The following CAPZA2 variants were observed in gnomAD, a reference collection of about 807,000 sequenced individuals.
CAPZA2 encodes F-actin-capping protein subunit alpha-2.
CAPZA2 carries 13 observed loss-of-function variants against 44.0 expected under a neutral mutation model. The ratio of observed to expected loss-of-function variants is 0.30; its 90% CI spans 0.19 to 0.47. The LOEUF is 0.47. Ranked by LOEUF, CAPZA2 falls within the 20% of genes least tolerant of loss-of-function variation. The pLI, the probability that CAPZA2 is intolerant of heterozygous loss-of-function variation, is 1.00. For synonymous variants in CAPZA2, 94 were observed against 108.2 expected (o/e 0.87, Z 0.81); for missense variants, 244 against 338.6 (o/e 0.72, Z 2.19).
chr7:116,880,459 G>A (rs192077597), intron 1 of CAPZA2, among the ~76,000 whole-genome samples: 18 of 152,046 alleles, frequency 1.2e-4, no homozygotes, highest in Non-Finnish European at 1.5e-4. Context: ...GTGCAATAGC[G>A]TGATCTCGGC....
intron 1 of CAPZA2, among the ~76,000 whole-genome samples, 164 bp downstream of exon 1, chr7:116,862,814 C>G (rs937155395): frequency 2.0e-5 from 3 of 152,154 alleles, no homozygotes; most frequent in Admixed American, 2.0e-4. Flanking sequence ...TGCCCCTGTC[C>G]GTCACCCGAG....
At chr7:116,868,931 A>C (rs1796515377) in intron 1 of CAPZA2, among the ~76,000 whole-genome samples, 1 of 152,238 alleles carries the variant, frequency 6.6e-6, no homozygotes, top group South Asian at 2.1e-4. Flanking sequence ...TTTGTACATT[A>C]AAGTAAATTT....
intron 1 of CAPZA2, among the ~76,000 whole-genome samples, chr7:116,871,623 T>C (rs1796555296): frequency 6.6e-6 from 1 of 152,212 alleles, no homozygotes; most frequent in African/African-American, 2.4e-5. Context: ...ATTTTCCCTT[T>C]TCCAGAAACG....
chr7:116,879,124 C>CAAAAAAAAAAA (rs71148337), intron 1 of CAPZA2, among the ~76,000 whole-genome samples: 8 of 45,308 alleles, frequency 1.8e-4, no homozygotes, highest in Non-Finnish European at 3.1e-4. Flanking sequence ...AACTCTGTCT[C>CAAAAAAAAAAA]AAAAAAAAAA....
chr7:116,865,278 G>T (rs890652167), intron 1 of CAPZA2, among the ~76,000 whole-genome samples: 1 of 142,744 alleles, frequency 7.0e-6, no homozygotes, highest in East Asian at 2.2e-4. Context: ...CTCTGCCTCC[G>T]GGGCTGAAGC....
intron 1 of CAPZA2, among the ~76,000 whole-genome samples, chr7:116,884,236 TA>T (rs562972442): frequency 5.1e-4 from 77 of 152,288 alleles, no homozygotes; most frequent in Non-Finnish European, 8.8e-4. Flanking sequence ...TGAAAACACA[TA>T]AAAAAATTTA....
intron 4 of CAPZA2, among the ~76,000 whole-genome samples, chr7:116,899,266 A>G (rs1450186996): frequency 6.6e-6 from 1 of 152,036 alleles, no homozygotes; most frequent in Admixed American, 6.6e-5. Context: ...TTGCTAAGCT[A>G]AGAAAAGCCA....
At chr7:116,914,250 C>T (rs867266525) in intron 8 of CAPZA2, among the ~76,000 whole-genome samples, 32 of 151,804 alleles carry the variant, frequency 2.1e-4, no homozygotes, top group African/African-American at 6.3e-4. Flanking sequence ...AGGATGGTCT[C>T]GATCTCCTGA....
intron 4 of CAPZA2, among the ~76,000 whole-genome samples, chr7:116,901,576 T>C (rs981916005): frequency 3.9e-5 from 6 of 152,060 alleles, no homozygotes; most frequent in Admixed American, 1.3e-4. Context: ...GCTTAATACC[T>C]GGGTGATGAA....
intron 1 of CAPZA2, among the ~76,000 whole-genome samples, chr7:116,870,014 A>T (rs531778706): frequency 6.6e-6 from 1 of 152,252 alleles, no homozygotes; most frequent in African/African-American, 2.4e-5. Context: ...GAAGGAGCTC[A>T]CGTCACTTCT....
At chr7:116,901,628 A>G (rs1056324897) in intron 4 of CAPZA2, among the ~76,000 whole-genome samples, 6 of 152,160 alleles carry the variant, frequency 3.9e-5, no homozygotes, top group Non-Finnish European at 7.4e-5. Flanking sequence ...TTACCTATAT[A>G]ATAAACCTGC....
rs139519343 is a variant in CAPZA2 at position 116,880,952 on chromosome 7, G to A, written c.40-7175G>A. Among the ~76,000 whole-genome samples the A allele has an allele frequency of 9.1e-3, 1,360 of 149,040 alleles. 26 individuals carry two copies. Among genetic ancestry groups the A allele is most frequent in the African/African-American group, 0.032 (1,303 of 40,504 alleles). On this transcript the variant is annotated intron_variant, in intron 1 of 9. Coordinates refer to ENST00000361183, the MANE Select transcript of CAPZA2 (RefSeq NM_006136.3). ...TCCAACCCCTGAGTTCAGGCAATCT[G>A]CCCACCTTGGCCTCCCAAAGTGCTG...
intron 9 of CAPZA2, among the ~76,000 whole-genome samples, chr7:116,917,368 C>T (rs1288035852): frequency 6.6e-6 from 1 of 152,196 alleles, no homozygotes; most frequent in Non-Finnish European, 1.5e-5. Context: ...CATTCTCCCA[C>T]CTCAGCTTCC....
chr7:116,898,997 A>G (rs1796962425), intron 4 of CAPZA2, among the ~76,000 whole-genome samples, 162 bp downstream of exon 4: 1 of 152,104 alleles, frequency 6.6e-6, no homozygotes. Context: ...TGGTGATACC[A>G]GTAATACTAT....
intron 4 of CAPZA2, among the ~76,000 whole-genome samples, chr7:116,903,748 G>A (rs1271834566): frequency 6.6e-6 from 1 of 152,166 alleles, no homozygotes; most frequent in East Asian, 1.9e-4. Context: ...CAAGGTGGGG[G>A]ACACACCAAA....
chr7:116,891,738 C>T (rs997053974), intron 2 of CAPZA2, among the ~76,000 whole-genome samples: 14 of 152,122 alleles, frequency 9.2e-5, no homozygotes, highest in African/African-American at 3.4e-4. Context: ...GTCTTGATCT[C>T]CTGACCTCGT....
At chr7:116,877,904 G>A (rs1796642106) in intron 1 of CAPZA2, among the ~76,000 whole-genome samples, 1 of 152,154 alleles carries the variant, frequency 6.6e-6, no homozygotes, top group Admixed American at 6.5e-5. Context: ...CCAGAGGCAG[G>A]ACAGCTTTAT....
intron 1 of CAPZA2, among the ~76,000 whole-genome samples, chr7:116,880,957 C>T (rs538753310): frequency 1.3e-5 from 2 of 151,694 alleles, no homozygotes; most frequent in Admixed American, 6.6e-5. Context: ...AATCTGCCCA[C>T]CTTGGCCTCC....
At chr7:116,910,023 C>A (rs892908417) in intron 6 of CAPZA2, 5 of 533,762 alleles carry the variant, frequency 9.4e-6, no homozygotes, top group Non-Finnish European at 1.7e-5. Flanking sequence ...TATGTAAGTT[C>A]TTTCTTATCA....
Sources: gnomAD v4.1 joint callset for allele counts (sites outside exome capture counted in the v4.1 genomes callset) on GRCh38, gnomAD v4.1.1 for gene constraint, MANE v1.5 for transcripts, NCBI Gene and HGNC (gene_info 2026-07-23, HGNC 2026-07-21) for gene names.